The following PALLD variants were observed in gnomAD, a reference collection of about 807,000 sequenced individuals.
PALLD encodes the protein palladin, cytoskeletal associated protein, also known as palladin.
In PALLD, 61 loss-of-function variants were observed where a neutral mutation model predicts 123.5. That is an observed-to-expected ratio of 0.49 (90% CI 0.40 to 0.61). PALLD has a LOEUF of 0.61. Among genes scored for constraint, PALLD ranks in the 20% least tolerant of loss-of-function variants. PALLD has a pLI of 0.00. For synonymous variants in PALLD, 465 were observed against 496.4 expected (o/e 0.94, Z 0.84); for missense variants, 1,273 against 1,377.0 (o/e 0.92, Z 1.20).
chr4:168,796,783 G>A (rs1259298014), intron 10 of PALLD, among the ~76,000 whole-genome samples: 2 of 152,054 alleles, frequency 1.3e-5, no homozygotes, highest in African/African-American at 4.8e-5. Context: ...CAAATTGAGG[G>A]GATGGATACC....
At chr4:168,659,122 T>C (rs1778886981) in intron 2 of PALLD, among the ~76,000 whole-genome samples, 1 of 152,194 alleles carries the variant, frequency 6.6e-6, no homozygotes, top group Admixed American at 6.5e-5. Context: ...AGTGTTTCAT[T>C]GTGGATGTAT....
intron 10 of PALLD, among the ~76,000 whole-genome samples, chr4:168,805,432 AT>A (rs541968119): frequency 6.6e-5 from 10 of 152,046 alleles, no homozygotes; most frequent in South Asian, 2.1e-4. Context: ...TATTTAAGGA[AT>A]TTTTTTCTCT....
chr4:168,755,656 C>G (rs1396838364), intron 10 of PALLD, among the ~76,000 whole-genome samples: 1 of 152,174 alleles, frequency 6.6e-6, no homozygotes, highest in Non-Finnish European at 1.5e-5. Context: ...TTAAATAGCA[C>G]ACTTTGCAGC....
At chr4:168,566,482 G>A (rs1228566536) in intron 2 of PALLD, among the ~76,000 whole-genome samples, 2 of 151,842 alleles carry the variant, frequency 1.3e-5, no homozygotes, top group Non-Finnish European at 2.9e-5. Context: ...TATTTTTGTC[G>A]AGACGGGGTC....
intron 2 of PALLD, among the ~76,000 whole-genome samples, chr4:168,635,700 G>A (rs958084009): frequency 1.3e-5 from 2 of 152,190 alleles, no homozygotes; most frequent in Non-Finnish European, 2.9e-5. Flanking sequence ...GGGTCTGAGG[G>A]CCATGACTGT....
At chr4:168,784,328 GA>G (rs1321957555) in intron 10 of PALLD, among the ~76,000 whole-genome samples, 5 of 145,220 alleles carry the variant, frequency 3.4e-5, no homozygotes, top group African/African-American at 5.1e-5. Flanking sequence ...GCAAGACCCT[GA>G]AAAAAAAAAG....
chr4:168,624,872 G>A (rs148511598), intron 2 of PALLD, among the ~76,000 whole-genome samples: 34 of 152,180 alleles, frequency 2.2e-4, no homozygotes, highest in Non-Finnish European at 4.4e-4. Flanking sequence ...AGACACATAT[G>A]AAAAATCTGT....
At chr4:168,750,984 ATG>A (rs56827421) in intron 10 of PALLD, among the ~76,000 whole-genome samples, 25 of 148,378 alleles carry the variant, frequency 1.7e-4, no homozygotes, top group East Asian at 4.0e-4. Context: ...TATTTTATAT[ATG>A]TGTGTGTGTG....
chr4:168,854,641 A>G (rs1748311508), intron 10 of PALLD, among the ~76,000 whole-genome samples: 1 of 152,180 alleles, frequency 6.6e-6, no homozygotes, highest in Non-Finnish European at 1.5e-5. Context: ...CCACCAAGGT[A>G]GGAAATGGCC....
At chr4:168,920,979 A>G (rs1480591271) in intron 17 of PALLD, among the ~76,000 whole-genome samples, 4 of 152,138 alleles carry the variant, frequency 2.6e-5, no homozygotes, top group African/African-American at 9.7e-5. Context: ...CATGACAGCA[A>G]TTTTTTAAAT....
chr4:168,674,423 G>A lies in PALLD; in HGVS notation c.1087+6055G>A, dbSNP rs572098281. 2.6e-3 allele frequency among the ~76,000 whole-genome samples: 397 copies of A among 152,246 alleles called. 1 individual carries two copies. Among genetic ancestry groups the A allele is most frequent in the Non-Finnish European group, 4.2e-3 (287 of 68,012 alleles). On this transcript the variant is annotated intron_variant, in intron 3 of 21. Transcript: ENST00000505667. ...GGAAGAGGGAATGGGGACGAGGAAGGGATCTGAATCTGAGCCTGGGATACT... is the reference window on the plus strand; with the variant it reads ...GGAAGAGGGAATGGGGACGAGGAAGAGATCTGAATCTGAGCCTGGGATACT...
chr4:168,717,238 G>A lies in PALLD; in HGVS notation c.1964+5315G>A, dbSNP rs138377868. ...GCCTGACAAATAGTAGATGCTCAAC[G>A]ATGTTTTTTGAATGAATGAAGCAAA... On this transcript the variant is annotated intron_variant, in intron 10 of 21. Transcript: ENST00000505667. 1.4e-3 allele frequency among the ~76,000 whole-genome samples: 217 copies of A among 152,230 alleles called. 1 individual carries two copies. The highest frequency in any genetic ancestry group is 5.0e-3 in the African/African-American group (206 of 41,544).
intron 9 of PALLD, 107 bp downstream of exon 9, chr4:168,709,254 AATCCCAGCACTTTGGGAGGCCGAGG>A: frequency 8.5e-7 from 1 of 1,175,320 alleles, no homozygotes. Context: ...TCACACCTGT[AATCCCAGCACTTTGGGAGGCCGAGG>A]CAGGCAGATC....
intron 10 of PALLD, among the ~76,000 whole-genome samples, chr4:168,734,325 G>A (rs1249344519): frequency 6.6e-6 from 1 of 151,856 alleles, no homozygotes; most frequent in African/African-American, 2.4e-5. Flanking sequence ...AGGTGGAGAA[G>A]CCAGCTACAT....
intron 15 of PALLD, among the ~76,000 whole-genome samples, chr4:168,904,642 T>C (rs1357001689): frequency 6.6e-6 from 1 of 151,944 alleles, no homozygotes; most frequent in African/African-American, 2.4e-5. Context: ...TTTACTAAAG[T>C]CTGCAAAAGT....
At chr4:168,613,267 A>G (rs990462515) in intron 2 of PALLD, among the ~76,000 whole-genome samples, 2 of 152,174 alleles carry the variant, frequency 1.3e-5, no homozygotes, top group Admixed American at 6.5e-5. Flanking sequence ...GACAAACCCA[A>G]ATGAATTGTT....
intron 10 of PALLD, among the ~76,000 whole-genome samples, chr4:168,726,737 G>T (rs1174305792): frequency 1.3e-5 from 2 of 151,386 alleles, no homozygotes; most frequent in East Asian, 3.9e-4. Flanking sequence ...TCAGGCAGAT[G>T]AGATGCTGTC....
chr4:168,710,564 C>T (rs1384896758), intron 9 of PALLD, among the ~76,000 whole-genome samples: 2 of 152,106 alleles, frequency 1.3e-5, no homozygotes, highest in Non-Finnish European at 2.9e-5. Flanking sequence ...ATTTAGGGAC[C>T]TTAGAGTGGC....
chr4:168,743,099 G>C (rs749404985), intron 10 of PALLD, among the ~76,000 whole-genome samples: 7 of 152,114 alleles, frequency 4.6e-5, no homozygotes, highest in Non-Finnish European at 1.0e-4. Flanking sequence ...TTTCTACTGC[G>C]TGATAACTCT....
Sources: allele counts gnomAD v4.1 joint callset (sites outside exome capture counted in the v4.1 genomes callset), GRCh38; gene constraint gnomAD v4.1.1; transcripts MANE v1.5; gene names NCBI Gene and HGNC (gene_info 2026-07-23, HGNC 2026-07-21).